The following SELP variants were observed in gnomAD, a reference collection of about 807,000 sequenced individuals.
The protein encoded by SELP is P-selectin.
SELP carries 92 observed loss-of-function variants against 104.1 expected under a neutral mutation model. That is an observed-to-expected ratio of 0.88 (90% CI 0.75 to 1.05). The LOEUF (loss-of-function observed/expected upper bound fraction) is 1.05. Ranked by LOEUF, SELP falls within the 50% of genes least tolerant of loss-of-function variation. SELP has a pLI of 0.00. For missense variants in SELP, 1,022 were observed against 1,017.3 expected, an observed-to-expected ratio of 1.00 and a Z score of -0.06; for synonymous variants, 397 against 364.5, an observed-to-expected ratio of 1.09 and a Z score of -1.01.
At position 169,619,211 on chromosome 1, in the gene SELP, G is replaced by T; in HGVS notation, c.12C>A (p.Cys4Ter). The change falls in exon 2 of 17, where the codon TGC becomes TGA. Residue 4 changes from cysteine (C) to a stop codon, truncating the protein, a stop_gained. Transcript: ENST00000263686. LOFTEE classifies it high-confidence loss of function. ...ATCTCTGGTACAAGATGGCTATTTG[G>T]CAGTTGGCCTGAAACAAGAAGAGAA... MAN[C>*]QIAILYQRFQ... is the part of the protein sequence containing the mutation. 1.2e-6 allele frequency: 2 copies of T among 1,613,832 alleles called. No homozygotes were observed. The highest frequency in any genetic ancestry group is 8.5e-7 in the Non-Finnish European group (1 of 1,179,778).
In SELP at chr1:169,625,940, G is replaced by A. The variant is rs532461656; in HGVS notation, c.3+4132C>T. Among the ~76,000 whole-genome samples, 32 of 152,256 alleles carry A rather than the reference G, an allele frequency of 2.1e-4. 1 individual carries two copies. Among genetic ancestry groups the A allele is most frequent in the East Asian group, 1.9e-3 (10 of 5,188 alleles). ...ATATTAACAGAATATAGCCATAAGTGCTAGGTAGGAAATGAAACTTATGTG... is the reference window on the plus strand; with the variant it reads ...ATATTAACAGAATATAGCCATAAGTACTAGGTAGGAAATGAAACTTATGTG... On this transcript the variant is annotated intron_variant, in intron 1 of 16. Transcript: ENST00000263686.
intron 9 of SELP, among the ~76,000 whole-genome samples, chr1:169,605,795 T>C (rs1289835525): frequency 6.6e-6 from 1 of 152,200 alleles, no homozygotes; most frequent in Non-Finnish European, 1.5e-5. Flanking sequence ...GGATATTTCT[T>C]CATTTCTTTA....
At chr1:169,606,833 T>C in intron 9 of SELP, 116 bp downstream of exon 9, 1 of 930,726 alleles carries the variant, frequency 1.1e-6, no homozygotes, top group South Asian at 1.6e-5. Context: ...AGAGTATTTA[T>C]GAATTTTCCA....
chr1:169,618,924 G>A (rs144160223), intron 2 of SELP, among the ~76,000 whole-genome samples: 148 of 152,222 alleles, frequency 9.7e-4, no homozygotes, highest in African/African-American at 3.3e-3. Context: ...GGATACATTC[G>A]TCCTGGATAT....
intron 10 of SELP, among the ~76,000 whole-genome samples, chr1:169,601,084 T>G (rs1661887557): frequency 2.0e-5 from 3 of 152,246 alleles, no homozygotes; most frequent in African/African-American, 7.2e-5. Flanking sequence ...ATGAGATTTT[T>G]AAAGGTTTTT....
chr1:169,624,547 C>T (rs967670881), intron 1 of SELP, among the ~76,000 whole-genome samples: 8 of 152,080 alleles, frequency 5.3e-5, no homozygotes, highest in African/African-American at 1.7e-4. Context: ...GTCAGGAGTT[C>T]GAGAACAGCC....
At chr1:169,612,715 A>G (rs548855162) in intron 5 of SELP, among the ~76,000 whole-genome samples, 2 of 152,134 alleles carry the variant, frequency 1.3e-5, no homozygotes, top group Non-Finnish European at 2.9e-5. Flanking sequence ...GCGAATCAAC[A>G]ATTAAACTGA....
intron 10 of SELP, among the ~76,000 whole-genome samples, chr1:169,601,991 T>G (rs1661931353): frequency 6.6e-6 from 1 of 152,158 alleles, no homozygotes; most frequent in African/African-American, 2.4e-5. Flanking sequence ...ATTAATTAAT[T>G]CAGTGCACTT....
At chr1:169,600,167 C>A (rs1015033490) in intron 10 of SELP, among the ~76,000 whole-genome samples, 1 of 152,160 alleles carries the variant, frequency 6.6e-6, no homozygotes, top group Admixed American at 6.5e-5. Flanking sequence ...AAATAACCGA[C>A]TCTCTGTATC....
rs1662524616 is a variant in SELP, at chr1:169,611,431, C to T, written c.1147+61G>A. On this transcript the variant is annotated intron_variant, in intron 7 of 16. Transcript: ENST00000263686. Reference sequence around the variant, plus strand: ...CACCCCGACACTGAGAGCCCTTGGCCTCTCTACCATGCCATGATTCCTTCT... The same window carrying T: ...CACCCCGACACTGAGAGCCCTTGGCTTCTCTACCATGCCATGATTCCTTCT... 1.6e-5 allele frequency: 25 copies of T among 1,555,630 alleles called. No individual in the cohort carries two copies. In the South Asian group the frequency reaches 2.5e-4, roughly 15 times the overall value.
chr1:169,612,639 C>G (rs1042079672), intron 5 of SELP, among the ~76,000 whole-genome samples: 1 of 152,130 alleles, frequency 6.6e-6, no homozygotes, highest in Non-Finnish European at 1.5e-5. Flanking sequence ...AAGTCCTCAT[C>G]ATTGTACTCT....
chr1:169,613,435 G>T, intron 4 of SELP, 151 bp downstream of exon 4: 1 of 640,310 alleles, frequency 1.6e-6, no homozygotes, highest in Non-Finnish European at 2.8e-6. Flanking sequence ...CCTAGAGTGT[G>T]TGTCTAGGGA....
chr1:169,613,413 A>G (rs552356688), intron 4 of SELP, among the ~76,000 whole-genome samples, 173 bp downstream of exon 4: 11 of 152,334 alleles, frequency 7.2e-5, no homozygotes, highest in African/African-American at 2.6e-4. Context: ...TCCCAAGAAT[A>G]AAATGTTTTT....
chr1:169,597,493 C>A (rs1441471474), intron 10 of SELP, among the ~76,000 whole-genome samples: 1 of 152,144 alleles, frequency 6.6e-6, no homozygotes, highest in Non-Finnish European at 1.5e-5. Context: ...GACCTCGTAG[C>A]CTGCCGCAGC....
At chr1:169,612,773 G>C (rs1356733436) in intron 5 of SELP, among the ~76,000 whole-genome samples, 156 bp downstream of exon 5, 1 of 152,110 alleles carries the variant, frequency 6.6e-6, no homozygotes, top group Non-Finnish European at 1.5e-5. Flanking sequence ...TGAAATTAAT[G>C]TTACTCTGGT....
Position 169,595,935 on chromosome 1 carries a change from T to G in SELP, c.2091A>C (p.Pro697=), listed in dbSNP as rs574233014. The G allele has an allele frequency of 2.5e-6, 4 of 1,613,552 alleles. No homozygotes were observed. The South Asian group carries it at 4.4e-5, about 18-fold the overall frequency. ...TCCTTTTCACCTTACCTCTGCATGC[T>G]GGAGTTACTGCTGTCCATTGTCCTG... ...RPSGQWTAVT[P]ACRAVKCSEL... is the part of the protein sequence containing the mutation. Residue 697 remains proline (P), a synonymous_variant, in exon 12 of 17, where the codon CCA becomes CCC. Coordinates refer to ENST00000263686, the MANE Select transcript of SELP (RefSeq NM_003005.4).
intron 1 of SELP, among the ~76,000 whole-genome samples, chr1:169,626,459 T>A (rs1478734663): frequency 6.6e-6 from 1 of 152,190 alleles, no homozygotes; most frequent in Admixed American, 6.5e-5. Flanking sequence ...CGCATGCCTG[T>A]AATCCCAGCT....
chr1:169,602,194 G>C (rs1661941510), intron 10 of SELP, among the ~76,000 whole-genome samples: 1 of 152,120 alleles, frequency 6.6e-6, no homozygotes, highest in African/African-American at 2.4e-5. Flanking sequence ...TTTTTATTCT[G>C]TCTAGCTGCT....
chr1:169,627,460 T>A (rs959082892), intron 1 of SELP, among the ~76,000 whole-genome samples: 3 of 152,236 alleles, frequency 2.0e-5, no homozygotes, highest in African/African-American at 4.8e-5. Context: ...TAAAATTTTT[T>A]AAAAAGTCTA....
Sources: gnomAD v4.1 joint callset for allele counts (sites outside exome capture counted in the v4.1 genomes callset) on GRCh38, gnomAD v4.1.1 for gene constraint, MANE v1.5 for transcripts, NCBI Gene and HGNC (gene_info 2026-07-23, HGNC 2026-07-21) for gene names.